N4BP2L2: variants seen among roughly 807,000 people sequenced by gnomAD.
N4BP2L2 encodes the protein NEDD4 binding protein 2 like 2.
Under a neutral mutation model 56.2 loss-of-function variants are expected in N4BP2L2, and 50 were observed. That is an observed-to-expected ratio of 0.89 (90% CI 0.71 to 1.13). The LOEUF (loss-of-function observed/expected upper bound fraction) is 1.13, where lower values mean the gene tolerates loss of function less well. Among genes scored for constraint, N4BP2L2 ranks in the 50% most tolerant of loss-of-function variants. N4BP2L2 has a pLI of 0.00. For missense variants in N4BP2L2, 689 were observed against 693.8 expected, an observed-to-expected ratio of 0.99 and a Z score of 0.08; for synonymous variants, 203 against 223.6, an observed-to-expected ratio of 0.91 and a Z score of 0.82.
intron 8 of N4BP2L2, among the ~76,000 whole-genome samples, chr13:32,437,759 A>G (rs1428246120): frequency 6.6e-6 from 1 of 152,256 alleles, no homozygotes; most frequent in African/African-American, 2.4e-5. Context: ...GATGTAATGA[A>G]GAATAAAGGA....
intron 6 of N4BP2L2, among the ~76,000 whole-genome samples, chr13:32,504,004 AAAAT>A (rs1486486392): frequency 6.6e-6 from 1 of 152,226 alleles, no homozygotes. Context: ...ACTCTCTTAA[AAAAT>A]AAATAAATAA....
intron 6 of N4BP2L2, among the ~76,000 whole-genome samples, chr13:32,463,304 C>T (rs1447595589): frequency 1.3e-5 from 2 of 152,008 alleles, no homozygotes; most frequent in East Asian, 3.9e-4. Flanking sequence ...TGGAGAAGAG[C>T]TGAAGAGACT....
chr13:32,501,771 C>T lies in N4BP2L2; in HGVS notation c.365+16086G>A, dbSNP rs140196377. Reference sequence around the variant, plus strand: ...CGGAGCTTGCATTGAGCCGAGATCGCGCCACTGCACTCCAGCTTGGGAGAC... The same window carrying T: ...CGGAGCTTGCATTGAGCCGAGATCGTGCCACTGCACTCCAGCTTGGGAGAC... On this transcript the variant is annotated intron_variant, in intron 6 of 9. Coordinates refer to the N4BP2L2 transcript ENST00000357505. 6.5e-3 allele frequency among the ~76,000 whole-genome samples: 985 copies of T among 151,754 alleles called. 5 individuals are homozygous for T. The highest frequency in any genetic ancestry group is 0.017 in the Middle Eastern group (5 of 292).
intron 6 of N4BP2L2, among the ~76,000 whole-genome samples, chr13:32,468,542 T>C (rs1282899744): frequency 6.6e-6 from 1 of 152,204 alleles, no homozygotes; most frequent in African/African-American, 2.4e-5. Flanking sequence ...TAGCAGCTGA[T>C]ATGACAGAAT....
rs150273224 is a variant in N4BP2L2, at chr13:32,520,074, T to C, written c.1550+1299A>G. ...TCTATCTATACATGACCACACAGCA[T>C]ACAAATCAGAAAAAGAAAGTAGCCA... On this transcript the variant is annotated intron_variant, in intron 5 of 5. Coordinates refer to ENST00000267068, the Ensembl canonical transcript of N4BP2L2. Among the ~76,000 whole-genome samples the C allele has an allele frequency of 9.2e-4, 140 of 152,056 alleles. 2 individuals carry two copies. Among genetic ancestry groups the C allele is most frequent in the African/African-American group, 3.3e-3 (138 of 41,480 alleles).
At chr13:32,484,159 CA>C (rs141270018) in intron 6 of N4BP2L2, among the ~76,000 whole-genome samples, 1 of 151,358 alleles carries the variant, frequency 6.6e-6, no homozygotes, top group African/African-American at 2.4e-5. Flanking sequence ...CCCATCTCTA[CA>C]AAAAATACAA....
chr13:32,496,861 T>C (rs1212148432), intron 6 of N4BP2L2, among the ~76,000 whole-genome samples: 1 of 152,196 alleles, frequency 6.6e-6, no homozygotes, highest in Non-Finnish European at 1.5e-5. Context: ...CTTGTAATGA[T>C]TCTACATGCA....
intron 2 of N4BP2L2, among the ~76,000 whole-genome samples, chr13:32,532,693 C>A (rs1217052484): frequency 6.7e-6 from 1 of 150,148 alleles, no homozygotes; most frequent in Non-Finnish European, 1.5e-5. Context: ...CGGGTTCAAG[C>A]GATTCTCCTG....
chr13:32,508,300 T>C (rs2091265819), downstream of N4BP2L2: 1 of 152,158 alleles, frequency 6.6e-6, no homozygotes, highest in African/African-American at 2.4e-5. Context: ...ATGAGCTGTG[T>C]CAAGAAAGAG....
At chr13:32,519,640 A>C (rs1001423269) in intron 5 of N4BP2L2, among the ~76,000 whole-genome samples, 17 of 151,282 alleles carry the variant, frequency 1.1e-4, no homozygotes, top group Non-Finnish European at 2.2e-4. Flanking sequence ...ACAAAATGAG[A>C]CTCTGTCTGA....
At chr13:32,491,400 A>G (rs1344536817) in intron 6 of N4BP2L2, among the ~76,000 whole-genome samples, 2 of 151,958 alleles carry the variant, frequency 1.3e-5, no homozygotes, top group Admixed American at 1.3e-4. Context: ...TGGATGTAGA[A>G]AAATTCTAGT....
intron 6 of N4BP2L2, among the ~76,000 whole-genome samples, chr13:32,464,696 C>T (rs1002492322): frequency 1.3e-5 from 2 of 152,138 alleles, no homozygotes; most frequent in South Asian, 4.1e-4. Flanking sequence ...AGAGTGTATT[C>T]TCTCTTCCTT....
chr13:32,534,002 G>GA, intron 2 of N4BP2L2, among the ~76,000 whole-genome samples: 1 of 152,228 alleles, frequency 6.6e-6, no homozygotes, highest in Non-Finnish European at 1.5e-5. Context: ...GAAGGCAAGG[G>GA]AAAAACATAC....
chr13:32,519,412 T>C (rs190192997), intron 5 of N4BP2L2, among the ~76,000 whole-genome samples: 4 of 152,058 alleles, frequency 2.6e-5, no homozygotes, highest in Non-Finnish European at 1.5e-5. Context: ...CCCAGCACTT[T>C]TGGGAGGCCA....
chr13:32,474,524 T>C lies in N4BP2L2; in HGVS notation c.366-30398A>G, dbSNP rs542143038. 3.8e-4 allele frequency among the ~76,000 whole-genome samples: 52 copies of C among 137,032 alleles called. No individual in the cohort carries two copies. In the East Asian group the frequency reaches 9.8e-3, roughly 26 times the overall value. 89.9% of individuals were successfully genotyped at this position (137,032 alleles called of 152,430 possible). The stretch of plus-strand genomic sequence containing the variant: ...GGCCGACACGGTGAAACCCTGTCTC[T>C]ACTAAAAAAAAAAAAAAAAATTAGC... On this transcript the variant is annotated intron_variant, in intron 6 of 9. Transcript: ENST00000357505.
intron 6 of N4BP2L2, chr13:32,478,783 AC>A (rs1455758355): frequency 2.0e-5 from 3 of 152,216 alleles, no homozygotes; most frequent in Non-Finnish European, 4.4e-5. Flanking sequence ...TTTCGGAAGT[AC>A]AAAAAAGCGA....
At position 32,526,007 on chromosome 13, in the gene N4BP2L2, G is replaced by C. The variant is rs548551150; in HGVS notation, c.1384+1401C>G. Among the ~76,000 whole-genome samples the C allele has an allele frequency of 2.2e-5, 3 of 133,826 alleles. No individual in the cohort carries two copies. The East Asian group carries it at 6.1e-4, about 27-fold the overall frequency. 87.8% of individuals were successfully genotyped at this position (133,826 alleles called of 152,430 possible). A position where few individuals can be genotyped will look rare whatever the true frequency, so the allele number is the denominator to read the frequency against. On this transcript the variant is annotated intron_variant, in intron 3 of 5. Coordinates refer to ENST00000267068, the Ensembl canonical transcript of N4BP2L2. Reference sequence around the variant, plus strand: ...ATTAAGCTCACCATTACTAAGAACAGGACAACCAAATATCTGCTTGCCAAA... The same window carrying C: ...ATTAAGCTCACCATTACTAAGAACACGACAACCAAATATCTGCTTGCCAAA...
At chr13:32,488,016 G>A (rs567335520) in intron 6 of N4BP2L2, among the ~76,000 whole-genome samples, 14 of 151,970 alleles carry the variant, frequency 9.2e-5, no homozygotes, top group South Asian at 2.1e-4. Flanking sequence ...GTGCCACCAC[G>A]CCGGACTAAT....
At chr13:32,538,634 G>T in exon 1 of N4BP2L2, 1 of 985,446 alleles carries the variant, frequency 1.0e-6, no homozygotes, top group Non-Finnish European at 1.2e-6. Flanking sequence ...CTACCCCTAC[G>T]CATTGACCTT....
Sources: allele counts gnomAD v4.1 joint callset (sites outside exome capture counted in the v4.1 genomes callset), GRCh38; gene constraint gnomAD v4.1.1; transcripts MANE v1.5; gene names NCBI Gene and HGNC (gene_info 2026-07-23, HGNC 2026-07-21).